The following PRSS3 variants were observed in gnomAD, a reference collection of about 807,000 sequenced individuals.
The protein encoded by PRSS3 is trypsin-3.
A neutral mutation model predicts 20.8 loss-of-function variants in PRSS3; 14 were observed. That is an observed-to-expected ratio of 0.67 (90% CI 0.44 to 1.05). PRSS3 has a LOEUF of 1.05. Ranked by LOEUF, PRSS3 falls within the 50% of genes least tolerant of loss-of-function variation. The pLI is 0.00. For missense variants in PRSS3, 237 were observed against 306.4 expected, an observed-to-expected ratio of 0.77 and a Z score of 1.69; for synonymous variants, 91 against 117.6, an observed-to-expected ratio of 0.77 and a Z score of 1.46.
intron 1 of PRSS3, among the ~76,000 whole-genome samples, chr9:33,754,328 C>T (rs1822842839): frequency 6.6e-6 from 1 of 151,816 alleles, no homozygotes; most frequent in Non-Finnish European, 1.5e-5. Flanking sequence ...CCTCGGCCTC[C>T]CAAAGTGCTG....
At position 33,758,276 on chromosome 9, in the gene PRSS3, A is replaced by G. The variant is rs550675856; in HGVS notation, c.-53+7549A>G. 4.6e-5 allele frequency among the ~76,000 whole-genome samples: 7 copies of G among 152,350 alleles called. No homozygotes were observed. The East Asian group carries it at 1.2e-3, about 25-fold the overall frequency. On this transcript the variant is annotated intron_variant, in intron 1 of 5. Coordinates refer to the PRSS3 transcript ENST00000342836. ...GAATACCTACCTGTCAATCAGACAG[A>G]CATCTTTTCAAACCTAACTCAGACC...
chr9:33,782,996 A>C (rs2119004630), intron 1 of PRSS3, among the ~76,000 whole-genome samples: 1 of 152,342 alleles, frequency 6.6e-6, no homozygotes, highest in East Asian at 1.9e-4. Flanking sequence ...AAGTGGCTAA[A>C]CAAAGGGTAG....
chr9:33,784,014 T>C (rs1362315342), intron 1 of PRSS3, among the ~76,000 whole-genome samples: 1 of 152,228 alleles, frequency 6.6e-6, no homozygotes, highest in Non-Finnish European at 1.5e-5. Context: ...GGAACTTATT[T>C]TTTGTTCTCT....
intron 2 of PRSS3, 114 bp from the exon 3 acceptor site, chr9:33,797,715 C>T: frequency 7.3e-7 from 1 of 1,378,514 alleles, no homozygotes. Context: ...CCACACACCC[C>T]ACCCCATGCC....
upstream of PRSS3, among the ~76,000 whole-genome samples, chr9:33,794,356 A>G (rs1200800619): frequency 6.6e-6 from 1 of 152,192 alleles, no homozygotes; most frequent in African/African-American, 2.4e-5. Context: ...CTTTCCTTAC[A>G]TCATTAGACT....
At chr9:33,788,004 GC>G (rs1441345880) in intron 1 of PRSS3, among the ~76,000 whole-genome samples, 3 of 152,168 alleles carry the variant, frequency 2.0e-5, no homozygotes, top group African/African-American at 7.2e-5. Flanking sequence ...TTCCCTACTT[GC>G]ACTGCCACTG....
At chr9:33,791,735 A>G (rs1173274300), upstream of PRSS3, among the ~76,000 whole-genome samples, 1 of 152,232 alleles carries the variant, frequency 6.6e-6, no homozygotes, top group Non-Finnish European at 1.5e-5. Flanking sequence ...GTGAACAGAA[A>G]GACTCACCAT....
intron 1 of PRSS3, among the ~76,000 whole-genome samples, chr9:33,783,191 T>G (rs1228697689): frequency 6.6e-6 from 1 of 152,162 alleles, no homozygotes; most frequent in Admixed American, 6.5e-5. Context: ...AGAACTCTGG[T>G]TGCCTCTAAG....
intron 1 of PRSS3, among the ~76,000 whole-genome samples, chr9:33,787,871 C>A (rs1824476182): frequency 6.6e-6 from 1 of 152,164 alleles, no homozygotes; most frequent in Non-Finnish European, 1.5e-5. Flanking sequence ...ACACAAATTA[C>A]ACGAAGAGTG....
At chr9:33,767,180 C>G (rs146105378) in intron 1 of PRSS3, among the ~76,000 whole-genome samples, 1 of 152,094 alleles carries the variant, frequency 6.6e-6, no homozygotes, top group Admixed American at 6.6e-5. Context: ...ATTGGCCAGG[C>G]CTGGTGGCTC....
intron 1 of PRSS3, among the ~76,000 whole-genome samples, chr9:33,773,924 GC>G (rs1344916801): frequency 2.6e-5 from 4 of 152,204 alleles, no homozygotes; most frequent in African/African-American, 9.6e-5. Context: ...ACAGGTGTGA[GC>G]CACTGCACCT....
At chr9:33,789,519 C>T (rs1401552777) in intron 1 of PRSS3, among the ~76,000 whole-genome samples, 1 of 152,164 alleles carries the variant, frequency 6.6e-6, no homozygotes, top group Non-Finnish European at 1.5e-5. Context: ...CTTTCACTAA[C>T]TGTGTATCTC....
chr9:33,753,256 C>G (rs1392401504), intron 1 of PRSS3, among the ~76,000 whole-genome samples: 1 of 152,172 alleles, frequency 6.6e-6, no homozygotes, highest in East Asian at 1.9e-4. Flanking sequence ...TGGTATATTT[C>G]ATGTCCATCT....
intron 1 of PRSS3, among the ~76,000 whole-genome samples, chr9:33,768,521 G>A (rs1410083519): frequency 6.6e-6 from 1 of 151,140 alleles, no homozygotes; most frequent in Non-Finnish European, 1.5e-5. Context: ...CATTGAAGGT[G>A]ATTCCAGTGA....
chr9:33,791,205 G>A (rs373482499), upstream of PRSS3, among the ~76,000 whole-genome samples: 3 of 152,178 alleles, frequency 2.0e-5, no homozygotes, highest in Admixed American at 6.5e-5. Context: ...CCCAAGACTG[G>A]GAAATGGAAC....
At position 33,750,875 on chromosome 9, in the gene PRSS3, C is replaced by T. The variant is rs1309811115; in HGVS notation, c.-53+148C>T. 5.8e-6 allele frequency: 8 copies of T among 1,368,766 alleles called. No homozygotes were observed. The highest frequency in any genetic ancestry group is 1.9e-4 in the Middle Eastern group (1 of 5,296). The allele number at this position is 1,368,766 out of a possible 1,614,324, so 84.8% of individuals were successfully genotyped here. ...AGGGTACGCGGACAGGGAGGGGATA[C>T]CGACTGGGAGGGGCTCAGGGACAGG... is the stretch of plus-strand genomic sequence containing the variant. On this transcript the variant is annotated intron_variant, in intron 1 of 5. Coordinates refer to the PRSS3 transcript ENST00000342836. This position sits in a 1 kb window ranked among gnomAD's most constrained non-coding sequence, Gnocchi z 4.8.
At chr9:33,788,513 A>G (rs1333215055) in intron 1 of PRSS3, among the ~76,000 whole-genome samples, 1 of 152,250 alleles carries the variant, frequency 6.6e-6, no homozygotes, top group Non-Finnish European at 1.5e-5. Context: ...AGCACATCTG[A>G]GTCTCACGGT....
chr9:33,771,731 C>T (rs1823714050), intron 1 of PRSS3, among the ~76,000 whole-genome samples: 2 of 150,132 alleles, frequency 1.3e-5, no homozygotes, highest in African/African-American at 2.4e-5. Context: ...GCCTCAACCT[C>T]CTGAGTAGCT....
chr9:33,796,091 G>A (rs1824915180), intron 1 of PRSS3, among the ~76,000 whole-genome samples: 1 of 152,152 alleles, frequency 6.6e-6, no homozygotes, highest in Non-Finnish European at 1.5e-5. Context: ...CAGGCATGCC[G>A]CCAAAGTTAA....
Sources: gnomAD v4.1 joint callset for allele counts (sites outside exome capture counted in the v4.1 genomes callset) on GRCh38, gnomAD v4.1.1 for gene constraint, Gnocchi (gnomAD v3.1) non-coding constraint, MANE v1.5 for transcripts, NCBI Gene and HGNC (gene_info 2026-07-23, HGNC 2026-07-21) for gene names.